The following RTN1 variants were observed in gnomAD, a reference collection of about 807,000 sequenced individuals.
RTN1 encodes reticulon-1.
A neutral mutation model predicts 65.5 loss-of-function variants in RTN1; 25 were observed. That is an observed-to-expected ratio of 0.38 (90% CI 0.28 to 0.53). RTN1 has a LOEUF of 0.53. Among genes scored for constraint, RTN1 ranks in the 20% least tolerant of loss-of-function variants. The pLI is 0.79. For missense variants in RTN1, 983 were observed against 1,025.4 expected, an observed-to-expected ratio of 0.96 and a Z score of 0.57; for synonymous variants, 471 against 447.6, an observed-to-expected ratio of 1.05 and a Z score of -0.66.
rs764818154 is a variant in RTN1 at position 59,790,368 on chromosome 14, G to C, written c.242-43887C>G. On this transcript the variant is annotated intron_variant, in intron 1 of 8. Coordinates refer to ENST00000267484, the MANE Select transcript of RTN1 (RefSeq NM_021136.3). This position sits in a 1 kb window ranked among gnomAD's most constrained non-coding sequence, Gnocchi z 4.1. The stretch of plus-strand genomic sequence containing the variant: ...TAGTCATTTCTGAATGGTAGCAACA[G>C]AGGTTTGTGTTCCTTTTGGTTTTTT... Among the ~76,000 whole-genome samples the C allele has an allele frequency of 1.5e-4, 23 of 152,068 alleles. No homozygotes were observed. The highest frequency in any genetic ancestry group is 3.1e-4 in the Non-Finnish European group (21 of 67,962).
chr14:59,669,199 C>T (rs535721120), intron 3 of RTN1, among the ~76,000 whole-genome samples: 2 of 152,260 alleles, frequency 1.3e-5, no homozygotes, highest in East Asian at 3.9e-4. Flanking sequence ...AGACTTGGAA[C>T]CAACCCAAAT....
intron 1 of RTN1, among the ~76,000 whole-genome samples, chr14:59,753,072 C>T (rs1251304280): frequency 6.6e-6 from 1 of 152,150 alleles, no homozygotes; most frequent in African/African-American, 2.4e-5. Context: ...GACACAACTT[C>T]CTTTTTACTT....
intron 1 of RTN1, among the ~76,000 whole-genome samples, chr14:59,863,577 C>T (rs1426808390): frequency 2.6e-5 from 4 of 152,124 alleles, no homozygotes; most frequent in African/African-American, 7.2e-5. Flanking sequence ...ATTTGAGTGA[C>T]CCAGGACTCC....
At chr14:59,758,690 T>C (rs1280196203) in intron 1 of RTN1, among the ~76,000 whole-genome samples, 1 of 152,186 alleles carries the variant, frequency 6.6e-6, no homozygotes, top group Non-Finnish European at 1.5e-5. Context: ...TTGTTGTCAG[T>C]TGCCTTTTTC....
rs549009677 is a variant in RTN1 at position 59,838,657 on chromosome 14, A to G, written c.241+31733T>C. ...TCCCAAATGTTTTTGGCACACACGT[A>G]TATATGTCTGTATATTAAGATATAA... On this transcript the variant is annotated intron_variant, in intron 1 of 8. Transcript: ENST00000267484. Among the ~76,000 whole-genome samples, 41 of 152,298 alleles carry G rather than the reference A, an allele frequency of 2.7e-4. 2 individuals carry two copies. The South Asian group carries it at 8.3e-3, about 31-fold the overall frequency.
chr14:59,613,316 T>C (rs1422178240), intron 3 of RTN1, among the ~76,000 whole-genome samples: 4 of 152,192 alleles, frequency 2.6e-5, no homozygotes, highest in African/African-American at 9.7e-5. Flanking sequence ...TATTATTTTT[T>C]GACATGGTGT....
At chr14:59,693,344 T>C (rs1883999244) in intron 3 of RTN1, among the ~76,000 whole-genome samples, 1 of 152,224 alleles carries the variant, frequency 6.6e-6, no homozygotes, top group African/African-American at 2.4e-5. Flanking sequence ...TGGTTTTTAC[T>C]TTTTTATTTG....
chr14:59,820,356 G>GTTTTTTTTTTTTTTTTTTT (rs34274539), intron 1 of RTN1, among the ~76,000 whole-genome samples: 1 of 79,330 alleles, frequency 1.3e-5, no homozygotes, highest in Non-Finnish European at 2.5e-5. Flanking sequence ...CTTATTGATA[G>GTTTTTTTTTTTTTTTTTTT]TTTTTTTTTT....
At chr14:59,784,151 A>G (rs1183841361) in intron 1 of RTN1, among the ~76,000 whole-genome samples, 1 of 152,118 alleles carries the variant, frequency 6.6e-6, no homozygotes, top group Non-Finnish European at 1.5e-5. Flanking sequence ...AAATCTTTCT[A>G]TCACTGGCCA....
At position 59,766,143 on chromosome 14, in the gene RTN1, T is replaced by C. The variant is rs1235603711; in HGVS notation, c.242-19662A>G. Among the ~76,000 whole-genome samples, 1 of 152,086 alleles carries C rather than the reference T, an allele frequency of 6.6e-6. No individual in the cohort carries two copies. Among genetic ancestry groups the C allele is most frequent in the African/African-American group, 2.4e-5 (1 of 41,412 alleles). ...TACTTGGGAGGCTGAGGCAGGACTA[T>C]TGCTTGAACCCGGGAGGCAGACATT... is the stretch of plus-strand genomic sequence containing the variant. On this transcript the variant is annotated intron_variant, in intron 1 of 8. Coordinates refer to ENST00000267484, the MANE Select transcript of RTN1 (RefSeq NM_021136.3). This position sits in a 1 kb window ranked among gnomAD's most constrained non-coding sequence, Gnocchi z 4.4.
At chr14:59,821,472 T>C (rs1354600306) in intron 1 of RTN1, among the ~76,000 whole-genome samples, 1 of 152,198 alleles carries the variant, frequency 6.6e-6, no homozygotes, top group Non-Finnish European at 1.5e-5. Context: ...AGACAGATAG[T>C]TTCACCTTCT....
chr14:59,668,410 C>A (rs1883427717), intron 3 of RTN1, among the ~76,000 whole-genome samples: 1 of 152,144 alleles, frequency 6.6e-6, no homozygotes, highest in Non-Finnish European at 1.5e-5. Context: ...ATGTAGAAAG[C>A]TGAAACTGTA....
chr14:59,858,469 G>C (rs1439886568), intron 1 of RTN1, among the ~76,000 whole-genome samples: 1 of 146,334 alleles, frequency 6.8e-6, no homozygotes, highest in African/African-American at 2.5e-5. Context: ...TTGTTCAAGA[G>C]TAGTTTTTTT....
At chr14:59,740,699 G>A (rs981244571) in intron 2 of RTN1, among the ~76,000 whole-genome samples, 3 of 152,140 alleles carry the variant, frequency 2.0e-5, no homozygotes, top group Non-Finnish European at 2.9e-5. Context: ...AAAGGGACTC[G>A]TAGCTCCTAT....
chr14:59,686,706 C>T (rs7158795), intron 3 of RTN1, among the ~76,000 whole-genome samples: 516 of 152,304 alleles, frequency 3.4e-3, no homozygotes, highest in African/African-American at 0.012. Context: ...TGTGACTCAC[C>T]TTTCCACTGG....
chr14:59,824,740 T>C (rs549314833), intron 1 of RTN1, among the ~76,000 whole-genome samples: 1 of 152,312 alleles, frequency 6.6e-6, no homozygotes, highest in Non-Finnish European at 1.5e-5. Context: ...TGACAACTAG[T>C]TTAAAAAGCT....
rs563859308 is a variant in RTN1, at chr14:59,812,484, G to C, written c.241+57906C>G. 8.7e-4 allele frequency among the ~76,000 whole-genome samples: 132 copies of C among 152,268 alleles called. 1 individual carries two copies. The highest frequency in any genetic ancestry group is 6.5e-4 in the Admixed American group (10 of 15,288). On this transcript the variant is annotated intron_variant, in intron 1 of 8. Coordinates refer to ENST00000267484, the MANE Select transcript of RTN1 (RefSeq NM_021136.3). ...TGTAGGTTATTATGTAATGGTGAAG[G>C]AGGGTTATCTGAAATTGTATGAAAA...
intron 1 of RTN1, among the ~76,000 whole-genome samples, chr14:59,809,071 TG>T (rs1290477712): frequency 2.0e-5 from 3 of 152,210 alleles, no homozygotes; most frequent in Non-Finnish European, 4.4e-5. Flanking sequence ...AAAACACTTT[TG>T]CATCCTTCAC....
intron 2 of RTN1, among the ~76,000 whole-genome samples, chr14:59,741,877 T>A (rs1170776856): frequency 2.0e-5 from 3 of 152,226 alleles, no homozygotes; most frequent in Admixed American, 1.3e-4. Context: ...TCATGTGTCA[T>A]CTCCTCAGAG....
Sources: allele counts gnomAD v4.1 joint callset (sites outside exome capture counted in the v4.1 genomes callset), GRCh38; gene constraint gnomAD v4.1.1; non-coding constraint Gnocchi (gnomAD v3.1); transcripts MANE v1.5; gene names NCBI Gene and HGNC (gene_info 2026-07-23, HGNC 2026-07-21).